ZNF331: variants seen among roughly 807,000 people sequenced by gnomAD.
ZNF331 encodes C2H2-like zinc finger protein rearranged in thyroid adenomas.
Under a neutral mutation model 7.0 loss-of-function variants are expected in ZNF331, and 2 were observed. The ratio of observed to expected loss-of-function variants is 0.29; its 90% CI spans 0.12 to 0.90. The LOEUF is 0.90. Among genes scored for constraint, ZNF331 ranks in the 40% least tolerant of loss-of-function variants. ZNF331 has a pLI of 0.58. For missense variants in ZNF331, 432 were observed against 587.7 expected, an observed-to-expected ratio of 0.74 and a Z score of 2.74; for synonymous variants, 196 against 205.4, an observed-to-expected ratio of 0.95 and a Z score of 0.39.
chr19:53,536,638 G>A (rs1335238187), upstream of ZNF331, among the ~76,000 whole-genome samples: 2 of 152,178 alleles, frequency 1.3e-5, no homozygotes, highest in East Asian at 1.9e-4. Flanking sequence ...GGTGGCTCAC[G>A]CCTGTAATTC....
chr19:53,565,301 C>A (rs780708733), intron 3 of ZNF331, among the ~76,000 whole-genome samples: 1 of 152,176 alleles, frequency 6.6e-6, no homozygotes, highest in African/African-American at 2.4e-5. Flanking sequence ...AATATACTGA[C>A]TCTTTGTTGG....
upstream of ZNF331, among the ~76,000 whole-genome samples, chr19:53,517,930 A>C (rs1189984277): frequency 6.6e-6 from 1 of 152,196 alleles, no homozygotes; most frequent in African/African-American, 2.4e-5. Context: ...AGCCGCCTGG[A>C]GTTCCCAAAG....
intron 2 of ZNF331, among the ~76,000 whole-genome samples, chr19:53,532,651 G>A (rs2087586500): frequency 6.6e-6 from 1 of 152,000 alleles, no homozygotes; most frequent in South Asian, 2.1e-4. Context: ...ATCAAGTCCT[G>A]GGCTGTTCTT....
chr19:53,556,080 TA>T (rs887997288), intron 3 of ZNF331, among the ~76,000 whole-genome samples, 172 bp downstream of exon 3: 2 of 151,574 alleles, frequency 1.3e-5, no homozygotes, highest in Non-Finnish European at 2.9e-5. Context: ...CCGTCTCTAC[TA>T]AAAATACAAA....
chr19:53,544,056 A>C (rs188414507), intron 2 of ZNF331, among the ~76,000 whole-genome samples: 1 of 151,368 alleles, frequency 6.6e-6, no homozygotes, highest in Non-Finnish European at 1.5e-5. Context: ...GTGAAATCCC[A>C]TCTCTACTAA....
the ZNF331 span, chr19:53,512,157 C>T: frequency 6.6e-6 from 1 of 152,494 alleles, no homozygotes; most frequent in African/African-American, 2.4e-5. Flanking sequence ...AGGTGGGCCT[C>T]TCTCCATCCT....
chr19:53,513,527 TCA>T, the ZNF331 span, among the ~76,000 whole-genome samples: 1 of 152,188 alleles, frequency 6.6e-6, no homozygotes. Context: ...CTCCGCATCC[TCA>T]CCACTTGTTA....
At chr19:53,547,580 T>C (rs976676503) in intron 2 of ZNF331, among the ~76,000 whole-genome samples, 1 of 152,246 alleles carries the variant, frequency 6.6e-6, no homozygotes, top group Admixed American at 6.5e-5. Flanking sequence ...CTGATAGTTT[T>C]AGTTTTTTCA....
At chr19:53,564,100 C>CA (rs2090042441) in intron 3 of ZNF331, among the ~76,000 whole-genome samples, 1 of 97,850 alleles carries the variant, frequency 1.0e-5, no homozygotes, top group Non-Finnish European at 1.9e-5. Context: ...TTTTTTGAGA[C>CA]AGAGTCTCAC....
intron 2 of ZNF331, among the ~76,000 whole-genome samples, chr19:53,548,178 G>A (rs960106138): frequency 1.1e-4 from 16 of 151,338 alleles, no homozygotes; most frequent in Non-Finnish European, 2.1e-4. Flanking sequence ...GCGTGATCTC[G>A]GCTCACTGCA....
At chr19:53,566,240 T>TC (rs1250516839) in intron 3 of ZNF331, among the ~76,000 whole-genome samples, 1 of 152,160 alleles carries the variant, frequency 6.6e-6, no homozygotes, top group Non-Finnish European at 1.5e-5. Flanking sequence ...CAACACCTGT[T>TC]CCATGTTATC....
the ZNF331 span, among the ~76,000 whole-genome samples, chr19:53,513,046 A>T: frequency 6.6e-6 from 1 of 151,838 alleles, no homozygotes; most frequent in Non-Finnish European, 1.5e-5. Context: ...AGGCTCCTGC[A>T]GGTGAGCCCC....
intron 2 of ZNF331, among the ~76,000 whole-genome samples, chr19:53,533,109 C>T (rs1408554073): frequency 1.3e-5 from 2 of 151,832 alleles, no homozygotes; most frequent in African/African-American, 4.8e-5. Flanking sequence ...AGGTCTTTCT[C>T]CTTTCTTAAT....
chr19:53,528,276 A>T (rs948464348), intron 2 of ZNF331, among the ~76,000 whole-genome samples: 1 of 152,198 alleles, frequency 6.6e-6, no homozygotes, highest in African/African-American at 2.4e-5. Flanking sequence ...TCAGGCTTGG[A>T]AAGTTATTTT....
chr19:53,572,557 T>C lies in ZNF331; in HGVS notation c.136+827T>C, dbSNP rs111239011. Reference sequence around the variant, plus strand: ...TATACACACACATATATATTATATATACACACACATATATATTATATATAC... The same window carrying C: ...TATACACACACATATATATTATATACACACACACATATATATTATATATAC... On this transcript the variant is annotated intron_variant, in intron 5 of 5. Transcript: ENST00000449416. 8.6e-5 allele frequency among the ~76,000 whole-genome samples: 8 copies of C among 92,764 alleles called. 1 individual carries two copies. Among genetic ancestry groups the C allele is most frequent in the South Asian group, 7.3e-4 (3 of 4,098 alleles). The allele number at this position is 92,764 out of a possible 152,430, so 60.9% of individuals were successfully genotyped here.
At chr19:53,536,171 T>C (rs898122027), upstream of ZNF331, among the ~76,000 whole-genome samples, 1 of 152,226 alleles carries the variant, frequency 6.6e-6, no homozygotes, top group Admixed American at 6.5e-5. Context: ...TAAAAGGAAA[T>C]AGCAGACTTG....
At chr19:53,575,670 GTTTGTTTTTGTTT>G (rs952015503) in intron 5 of ZNF331, among the ~76,000 whole-genome samples, 7 of 146,616 alleles carry the variant, frequency 4.8e-5, no homozygotes. Context: ...GACAGGGTTT[GTTTGTTTTTGTTT>G]TTTGTTTTTT....
intron 2 of ZNF331, among the ~76,000 whole-genome samples, chr19:53,552,869 T>A (rs1280546759): frequency 2.0e-5 from 3 of 152,200 alleles, no homozygotes; most frequent in Non-Finnish European, 4.4e-5. Flanking sequence ...ATTCTGATAT[T>A]TAATAGCTGA....
At chr19:53,556,566 C>A (rs1237276025) in intron 3 of ZNF331, among the ~76,000 whole-genome samples, 1 of 151,290 alleles carries the variant, frequency 6.6e-6, no homozygotes, top group Admixed American at 6.6e-5. Flanking sequence ...CTCAAGCTTT[C>A]CTCCCACCTT....
Sources: allele counts gnomAD v4.1 joint callset (sites outside exome capture counted in the v4.1 genomes callset), GRCh38; gene constraint gnomAD v4.1.1; transcripts MANE v1.5; gene names NCBI Gene and HGNC (gene_info 2026-07-23, HGNC 2026-07-21).